The following PRKAG2 variants were observed in gnomAD, a reference collection of about 807,000 sequenced individuals.
PRKAG2 encodes protein kinase AMP-activated non-catalytic subunit gamma 2.
Under a neutral mutation model 69.6 loss-of-function variants are expected in PRKAG2, and 26 were observed. The ratio of observed to expected loss-of-function variants is 0.37; its 90% CI spans 0.27 to 0.52. The LOEUF (loss-of-function observed/expected upper bound fraction) is 0.52, where lower values mean the gene tolerates loss of function less well. PRKAG2 is among the 20% of genes least tolerant of loss of function. The pLI is 0.90. For synonymous variants in PRKAG2, 293 were observed against 285.0 expected (o/e 1.03, Z -0.28); for missense variants, 557 against 740.0 (o/e 0.75, Z 2.87).
chr7:151,701,931 T>G (rs958779655), intron 3 of PRKAG2, among the ~76,000 whole-genome samples: 1 of 151,990 alleles, frequency 6.6e-6, no homozygotes, highest in Non-Finnish European at 1.5e-5. Flanking sequence ...GGGCCTGCAG[T>G]AGAAACCAAC....
intron 6 of PRKAG2, among the ~76,000 whole-genome samples, chr7:151,593,323 G>T (rs938103980): frequency 2.0e-5 from 3 of 152,140 alleles, no homozygotes; most frequent in East Asian, 1.9e-4. Flanking sequence ...GAGTAGCTGG[G>T]ACTACAGGTG....
chr7:151,876,099 C>T (rs1416564514), intron 1 of PRKAG2, among the ~76,000 whole-genome samples: 1 of 148,162 alleles, frequency 6.7e-6, no homozygotes, highest in African/African-American at 2.5e-5. Context: ...TCCCCTCTCT[C>T]CGTCTCCAGC....
At chr7:151,609,026 G>GT (rs1818167491) in intron 5 of PRKAG2, among the ~76,000 whole-genome samples, 1 of 151,806 alleles carries the variant, frequency 6.6e-6, no homozygotes, top group African/African-American at 2.4e-5. Context: ...TGCAATTTTT[G>GT]TTTTTTTAAG....
At position 151,807,994 on chromosome 7, in the gene PRKAG2, C is replaced by A. The variant is rs951369987; in HGVS notation, c.115-21453G>T. ...CGTAACCCCTCCCTACAAACTACCCCCTTTCCCTCTGCCCAAGTGAGCACA... is the reference window on the plus strand; with the variant it reads ...CGTAACCCCTCCCTACAAACTACCCACTTTCCCTCTGCCCAAGTGAGCACA... On this transcript the variant is annotated intron_variant, in intron 1 of 15. Transcript: ENST00000287878. This position sits in a 1 kb window ranked among gnomAD's most constrained non-coding sequence, Gnocchi z 4.4. Among the ~76,000 whole-genome samples the A allele has an allele frequency of 6.6e-6, 1 of 152,132 alleles. No individual in the cohort carries two copies. Among genetic ancestry groups the A allele is most frequent in the Non-Finnish European group, 1.5e-5 (1 of 68,026 alleles).
At chr7:151,624,822 C>T (rs894078973) in intron 5 of PRKAG2, among the ~76,000 whole-genome samples, 2 of 152,206 alleles carry the variant, frequency 1.3e-5, no homozygotes, top group Non-Finnish European at 2.9e-5. Context: ...GATTAGCGCA[C>T]CATCAACATG....
intron 11 of PRKAG2, chr7:151,566,589 A>G: frequency 2.2e-6 from 1 of 452,198 alleles, no homozygotes; most frequent in Non-Finnish European, 4.4e-6. Context: ...TAAAGGGTAT[A>G]GTTGATTCCA....
chr7:151,666,611 G>A (rs1214041636), intron 4 of PRKAG2, among the ~76,000 whole-genome samples: 2 of 152,184 alleles, frequency 1.3e-5, no homozygotes, highest in Non-Finnish European at 1.5e-5. Context: ...TCTCAGTTGG[G>A]TATAGCTGGG....
At chr7:151,841,749 G>T (rs1384537402) in intron 1 of PRKAG2, among the ~76,000 whole-genome samples, 2 of 144,102 alleles carry the variant, frequency 1.4e-5, no homozygotes, top group African/African-American at 5.4e-5. Flanking sequence ...AGTGATAGTA[G>T]GTAGTAATGG....
intron 1 of PRKAG2, among the ~76,000 whole-genome samples, chr7:151,843,827 G>A (rs2079366393): frequency 6.6e-6 from 1 of 152,270 alleles, no homozygotes; most frequent in Non-Finnish European, 1.5e-5. Context: ...AGATCGGATA[G>A]AAATTCTTCC....
chr7:151,622,622 G>GA (rs1289977667), intron 5 of PRKAG2, among the ~76,000 whole-genome samples: 1 of 152,164 alleles, frequency 6.6e-6, no homozygotes, highest in African/African-American at 2.4e-5. Context: ...TTGTGAGCTT[G>GA]AACAAATTGA....
intron 3 of PRKAG2, among the ~76,000 whole-genome samples, chr7:151,745,264 C>G (rs564215872): frequency 6.6e-6 from 1 of 152,348 alleles, no homozygotes; most frequent in South Asian, 2.1e-4. Flanking sequence ...CGGGTCCCCT[C>G]CGCGCCGGGG....
intron 13 of PRKAG2, 40 bp downstream of exon 13, chr7:151,565,306 G>A: frequency 1.5e-6 from 2 of 1,329,868 alleles, no homozygotes; most frequent in Non-Finnish European, 1.0e-6. Context: ...TGTTTAAAAT[G>A]CATTCTAGGT....
rs80063068 is a variant in PRKAG2, at chr7:151,723,195, G to T, written c.467-47558C>A. Among the ~76,000 whole-genome samples, 243 of 152,244 alleles carry T rather than the reference G, an allele frequency of 1.6e-3. 3 individuals carry two copies. In the East Asian group the frequency reaches 0.042, roughly 26 times the overall value. On this transcript the variant is annotated intron_variant, in intron 3 of 15. Coordinates refer to ENST00000287878, the MANE Select transcript of PRKAG2 (RefSeq NM_016203.4). Reference sequence around the variant, plus strand: ...AATACCCTTTCCCTAATGCCCAGTTGCCCTGGTAAAAGCCATAAGTCCCTT... The same window carrying T: ...AATACCCTTTCCCTAATGCCCAGTTTCCCTGGTAAAAGCCATAAGTCCCTT...
intron 3 of PRKAG2, among the ~76,000 whole-genome samples, chr7:151,766,031 A>G (rs2075715647): frequency 6.6e-6 from 1 of 152,160 alleles, no homozygotes; most frequent in African/African-American, 2.4e-5. Context: ...CTACTCAGGT[A>G]TTATAGTATC....
At chr7:151,687,244 A>G (rs75066733) in intron 3 of PRKAG2, among the ~76,000 whole-genome samples, 7,781 of 152,230 alleles carry the variant, frequency 0.051, 486 homozygotes, top group African/African-American at 0.15. Context: ...GTTCTACATC[A>G]TGGACCCAAA....
chr7:151,800,380 T>C lies in PRKAG2; in HGVS notation c.115-13839A>G, dbSNP rs533632562. ...CTCAAAAAAAAAAAAAAAAAGAAAG[T>C]CGCCTCCCATCTCTGGTCGTCAGTT... is the stretch of plus-strand genomic sequence containing the variant. On this transcript the variant is annotated intron_variant, in intron 1 of 15. Transcript: ENST00000287878. Among the ~76,000 whole-genome samples the C allele has an allele frequency of 2.8e-3, 395 of 140,916 alleles. 1 individual carries two copies. Among genetic ancestry groups the C allele is most frequent in the Middle Eastern group, 0.022 (6 of 270 alleles). The allele number at this position is 140,916 out of a possible 152,430, so 92.4% of individuals were successfully genotyped here.
At chr7:151,773,950 AAC>A (rs2076208905) in intron 3 of PRKAG2, among the ~76,000 whole-genome samples, 1 of 152,150 alleles carries the variant, frequency 6.6e-6, no homozygotes, top group Non-Finnish European at 1.5e-5. Context: ...GCAGGAGAGG[AAC>A]ACACAGATGG....
At chr7:151,669,987 C>T (rs1831716840) in intron 4 of PRKAG2, among the ~76,000 whole-genome samples, 2 of 147,694 alleles carry the variant, frequency 1.4e-5, no homozygotes, top group South Asian at 2.2e-4. Flanking sequence ...TGCACACACA[C>T]TTGCATGCAT....
chr7:151,865,205 C>T (rs568077078), intron 1 of PRKAG2, among the ~76,000 whole-genome samples: 180 of 152,312 alleles, frequency 1.2e-3, no homozygotes, highest in Middle Eastern at 3.4e-3. Flanking sequence ...CAGGCTGGCC[C>T]TCTTGCTGCT....
Sources: gnomAD v4.1 joint callset for allele counts (sites outside exome capture counted in the v4.1 genomes callset) on GRCh38, gnomAD v4.1.1 for gene constraint, Gnocchi (gnomAD v3.1) non-coding constraint, MANE v1.5 for transcripts, NCBI Gene and HGNC (gene_info 2026-07-23, HGNC 2026-07-21) for gene names.